Variants in ROR1 observed in about 807,000 individuals in gnomAD.
ROR1 encodes the protein inactive tyrosine-protein kinase transmembrane receptor ROR1.
Under a neutral mutation model 78.8 loss-of-function variants are expected in ROR1, and 19 were observed. The observed-to-expected ratio is 0.24, with a 90% confidence interval of 0.17 to 0.35. ROR1 has a LOEUF of 0.35. Among genes scored for constraint, ROR1 ranks in the 10% least tolerant of loss-of-function variants. The pLI is 1.00. For synonymous variants in ROR1, 386 were observed against 433.6 expected (o/e 0.89, Z 1.36); for missense variants, 917 against 1,177.8 (o/e 0.78, Z 3.24).
intron 4 of ROR1, among the ~76,000 whole-genome samples, chr1:64,114,568 T>C (rs946285419): frequency 6.6e-6 from 1 of 152,136 alleles, no homozygotes; most frequent in Non-Finnish European, 1.5e-5. Context: ...CTTAAGCATT[T>C]TTTTTTCTGC....
At chr1:64,159,489 A>C (rs564419760) in intron 8 of ROR1, among the ~76,000 whole-genome samples, 1 of 152,252 alleles carries the variant, frequency 6.6e-6, no homozygotes, top group East Asian at 1.9e-4. Flanking sequence ...TCAGAACGTG[A>C]GCAATTTTTC....
intron 7 of ROR1, among the ~76,000 whole-genome samples, chr1:64,156,079 C>T (rs545264701): frequency 1.3e-5 from 2 of 152,148 alleles, no homozygotes; most frequent in Non-Finnish European, 2.9e-5. Context: ...TTATCTAGCC[C>T]AAAACTTTTA....
intron 1 of ROR1, among the ~76,000 whole-genome samples, chr1:63,884,894 A>G (rs1645347069): frequency 6.6e-6 from 1 of 151,988 alleles, no homozygotes; most frequent in South Asian, 2.1e-4. Flanking sequence ...GGAGACATAA[A>G]ATAGCATAGT....
chr1:63,985,859 T>G (rs917097315), intron 1 of ROR1, among the ~76,000 whole-genome samples: 7 of 152,120 alleles, frequency 4.6e-5, no homozygotes, highest in African/African-American at 1.7e-4. Context: ...TGTATGCAAA[T>G]ATTCTAAAAT....
At chr1:63,857,180 T>C (rs1645154426) in intron 1 of ROR1, among the ~76,000 whole-genome samples, 3 of 151,092 alleles carry the variant, frequency 2.0e-5, no homozygotes, top group Non-Finnish European at 4.4e-5. Flanking sequence ...TTTACAGAAA[T>C]GAGATTAGAT....
chr1:63,841,657 T>C (rs183403615), intron 1 of ROR1, among the ~76,000 whole-genome samples: 10 of 152,312 alleles, frequency 6.6e-5, no homozygotes, highest in Admixed American at 3.9e-4. Flanking sequence ...CAAGTAACCA[T>C]TGAAGCAATT....
At chr1:63,914,233 A>G (rs1046666929) in intron 1 of ROR1, among the ~76,000 whole-genome samples, 1 of 152,260 alleles carries the variant, frequency 6.6e-6, no homozygotes, top group Non-Finnish European at 1.5e-5. Context: ...ATGTTTTATT[A>G]GAAACAGGCT....
chr1:63,992,364 C>A (rs765175886), intron 1 of ROR1, among the ~76,000 whole-genome samples: 1 of 152,022 alleles, frequency 6.6e-6, no homozygotes, highest in Non-Finnish European at 1.5e-5. Context: ...CACACCACCA[C>A]GCCCAGTTAA....
chr1:64,079,912 T>C (rs183197371), intron 4 of ROR1, among the ~76,000 whole-genome samples: 17 of 152,258 alleles, frequency 1.1e-4, no homozygotes, highest in African/African-American at 3.9e-4. Context: ...AAAATACACA[T>C]GGTATTATTG....
chr1:63,967,887 C>G (rs1005852215), intron 1 of ROR1, among the ~76,000 whole-genome samples: 1 of 152,174 alleles, frequency 6.6e-6, no homozygotes, highest in African/African-American at 2.4e-5. Context: ...ACACTTTATG[C>G]ATAAACATTC....
intron 4 of ROR1, among the ~76,000 whole-genome samples, chr1:64,087,723 G>A (rs963739550): frequency 6.6e-6 from 1 of 152,174 alleles, no homozygotes; most frequent in Non-Finnish European, 1.5e-5. Context: ...GAGCCCTGCA[G>A]CATGACAAGA....
intron 1 of ROR1, among the ~76,000 whole-genome samples, chr1:63,865,242 T>C (rs1217254599): frequency 2.6e-5 from 4 of 152,212 alleles, no homozygotes; most frequent in African/African-American, 9.7e-5. Context: ...TAGGTCTTTT[T>C]AGGACTGAAA....
chr1:64,029,016 G>A (rs1465063053), intron 2 of ROR1: 1 of 151,964 alleles, frequency 6.6e-6, no homozygotes, highest in African/African-American at 2.4e-5. Flanking sequence ...GAATTTTTAA[G>A]GTGTATTCAG....
chr1:63,831,528 G>A (rs945359426), intron 1 of ROR1, among the ~76,000 whole-genome samples: 3 of 152,202 alleles, frequency 2.0e-5, no homozygotes, highest in African/African-American at 7.2e-5. Context: ...GCCATGGCTG[G>A]AACTGGAGTG....
chr1:63,929,622 T>G (rs1645734872), intron 1 of ROR1, among the ~76,000 whole-genome samples: 2 of 152,178 alleles, frequency 1.3e-5, no homozygotes, highest in Admixed American at 1.3e-4. Context: ...CAGTGTATGC[T>G]TATTGGTCAA....
chr1:64,012,481 A>T (rs555123431), intron 2 of ROR1, among the ~76,000 whole-genome samples: 3 of 152,358 alleles, frequency 2.0e-5, no homozygotes, highest in Non-Finnish European at 4.4e-5. Context: ...AGACACTGAC[A>T]GCAGCAAACC....
chr1:64,082,672 C>T (rs534727281), intron 4 of ROR1, among the ~76,000 whole-genome samples: 2 of 152,344 alleles, frequency 1.3e-5, no homozygotes, highest in South Asian at 2.1e-4. Context: ...TAGAGCTGAT[C>T]CTCTCTGCCC....
intron 4 of ROR1, among the ~76,000 whole-genome samples, chr1:64,119,312 T>A (rs1261522984): frequency 1.3e-5 from 2 of 152,168 alleles, no homozygotes; most frequent in Non-Finnish European, 2.9e-5. Flanking sequence ...TGTATTTTTT[T>A]ATCCTTATTC....
chr1:64,095,846 C>T (rs1372913916), intron 4 of ROR1, among the ~76,000 whole-genome samples: 2 of 152,008 alleles, frequency 1.3e-5, no homozygotes, highest in African/African-American at 4.8e-5. Context: ...AAATGTTTTA[C>T]AGAAAGAGAG....
Sources: gnomAD v4.1 joint callset for allele counts (sites outside exome capture counted in the v4.1 genomes callset) on GRCh38, gnomAD v4.1.1 for gene constraint, MANE v1.5 for transcripts, NCBI Gene and HGNC (gene_info 2026-07-23, HGNC 2026-07-21) for gene names.